TLL2: variants seen among roughly 807,000 people sequenced by gnomAD.
TLL2 encodes tolloid like 2.
A neutral mutation model predicts 123.0 loss-of-function variants in TLL2; 106 were observed. That is an observed-to-expected ratio of 0.86 (90% CI 0.74 to 1.01). The LOEUF (loss-of-function observed/expected upper bound fraction) is 1.01. Ranked by LOEUF, TLL2 falls within the 50% of genes least tolerant of loss-of-function variation. The probability of loss-of-function intolerance (pLI) is 0.00; values close to 1 mark genes in which losing one functional copy is unlikely to be tolerated. For synonymous variants in TLL2, 494 were observed against 516.8 expected, an observed-to-expected ratio of 0.96 and a Z score of 0.60; for missense variants, 1,332 against 1,336.7, an observed-to-expected ratio of 1.00 and a Z score of 0.06.
At chr10:96,499,436 C>T (rs1217831580) in intron 1 of TLL2, among the ~76,000 whole-genome samples, 1 of 152,154 alleles carries the variant, frequency 6.6e-6, no homozygotes, top group African/African-American at 2.4e-5. Flanking sequence ...TGGTAGTCAA[C>T]CCCCTTTTCC....
At chr10:96,489,575 T>C (rs1349681263) in intron 1 of TLL2, among the ~76,000 whole-genome samples, 1 of 152,022 alleles carries the variant, frequency 6.6e-6, no homozygotes, top group Non-Finnish European at 1.5e-5. Context: ...AGCGATCCCA[T>C]CAACATGGTA....
At position 96,423,715 on chromosome 10, in the gene TLL2, A is replaced by G. The variant is rs543081592; in HGVS notation, c.639-988T>C. On this transcript the variant is annotated intron_variant, in intron 5 of 20. Coordinates refer to ENST00000357947, the MANE Select transcript of TLL2 (RefSeq NM_012465.4). ...GGATATGTGCATTTGAAATTTTGATAGATACTGTCAAATTGCACTCCCAAA... is the reference window on the plus strand; with the variant it reads ...GGATATGTGCATTTGAAATTTTGATGGATACTGTCAAATTGCACTCCCAAA... Among the ~76,000 whole-genome samples, 11 of 152,330 alleles carry G rather than the reference A, an allele frequency of 7.2e-5. No homozygotes were observed. The East Asian group carries it at 2.1e-3, about 29-fold the overall frequency.
Position 96,428,776 on chromosome 10 carries a change from T to A in TLL2, c.521-28A>T, listed in dbSNP as rs149057397. The A allele has an allele frequency of 2.9e-4, 404 of 1,404,314 alleles. 1 individual carries two copies. In the East Asian group the frequency reaches 8.8e-3, roughly 31 times the overall value. 87.0% of individuals were successfully genotyped at this position (1,404,314 alleles called of 1,614,324 possible). On this transcript the variant is annotated intron_variant, in intron 4 of 20. Coordinates refer to ENST00000357947, the MANE Select transcript of TLL2 (RefSeq NM_012465.4). ...GAAACAACAGGGCAAGCACTCGACTTCAATGATGGGTCCATATTTTCTTTA... is the reference window on the plus strand; with the variant it reads ...GAAACAACAGGGCAAGCACTCGACTACAATGATGGGTCCATATTTTCTTTA...
chr10:96,476,056 G>T (rs1847241232), intron 2 of TLL2, among the ~76,000 whole-genome samples: 2 of 151,354 alleles, frequency 1.3e-5, no homozygotes, highest in Non-Finnish European at 2.9e-5. Flanking sequence ...TTTGTAAATT[G>T]CCCAGTCTCG....
Position 96,422,591 on chromosome 10 carries a change from T to C in TLL2, c.775A>G (p.Arg259Gly). 1 of 1,614,238 alleles carries C rather than the reference T, an allele frequency of 6.2e-7. No homozygotes were observed. Among genetic ancestry groups the C allele is most frequent in the Non-Finnish European group, 8.5e-7 (1 of 1,180,036 alleles). The part of the protein sequence containing the change: ...GFWHEHTRPD[R>G]DQHVTIIREN... ...CTGATGATGGTGACATGTTGGTCTC[T>C]GTCTGGCCGGGTGTGTTCATGCCAA... The change falls in exon 6 of 21, where the codon AGA becomes GGA. Residue 259 changes from arginine to glycine, a missense_variant. By Grantham distance (125) the Arg-to-Gly change is moderately radical. Transcript: ENST00000357947.
intron 1 of TLL2, 37 bp downstream of exon 1, chr10:96,513,474 C>G: frequency 6.2e-7 from 1 of 1,610,430 alleles, no homozygotes. Flanking sequence ...ATTTCAAAGG[C>G]AAACTTCTGC....
At chr10:96,476,240 A>ATATATATATATATATATTC in intron 2 of TLL2, among the ~76,000 whole-genome samples, 1 of 20,490 alleles carries the variant, frequency 4.9e-5, no homozygotes, top group Admixed American at 5.2e-4. Context: ...ATATATATAT[A>ATATATATATATATATATTC]TTTTATTTTT....
At chr10:96,463,088 A>C (rs1352584309) in intron 2 of TLL2, among the ~76,000 whole-genome samples, 1 of 152,230 alleles carries the variant, frequency 6.6e-6, no homozygotes, top group African/African-American at 2.4e-5. Context: ...AAATGTTTGC[A>C]AGTAGGCAAA....
chr10:96,380,141 G>A (rs1224494599), intron 16 of TLL2, among the ~76,000 whole-genome samples: 1 of 152,214 alleles, frequency 6.6e-6, no homozygotes, highest in Non-Finnish European at 1.5e-5. Flanking sequence ...GCAGCATCCA[G>A]CCCACAGTGT....
intron 9 of TLL2, among the ~76,000 whole-genome samples, chr10:96,409,029 CTA>C (rs1441034048): frequency 6.6e-6 from 1 of 152,240 alleles, no homozygotes; most frequent in Non-Finnish European, 1.5e-5. Context: ...TCATTTGTCT[CTA>C]GTTAGCACAC....
intron 17 of TLL2, among the ~76,000 whole-genome samples, chr10:96,378,076 T>A (rs1291765439): frequency 6.6e-6 from 1 of 152,238 alleles, no homozygotes; most frequent in African/African-American, 2.4e-5. Context: ...CCTGTGACCA[T>A]GCCCTAGGGC....
intron 3 of TLL2, among the ~76,000 whole-genome samples, chr10:96,444,718 G>A (rs1846879407): frequency 6.6e-6 from 1 of 151,980 alleles, no homozygotes; most frequent in South Asian, 2.1e-4. Flanking sequence ...AGAAAAAGAA[G>A]ATAACACTTT....
At chr10:96,487,970 G>A (rs919295567) in intron 1 of TLL2, among the ~76,000 whole-genome samples, 1 of 152,186 alleles carries the variant, frequency 6.6e-6, no homozygotes, top group East Asian at 1.9e-4. Flanking sequence ...TGAAGGAACC[G>A]AATCAGATAG....
intron 2 of TLL2, among the ~76,000 whole-genome samples, chr10:96,476,722 C>T (rs918918788): frequency 2.0e-5 from 3 of 151,930 alleles, no homozygotes; most frequent in African/African-American, 7.3e-5. Flanking sequence ...CAGAGTTGCA[C>T]ATTGAATCAC....
intron 16 of TLL2, among the ~76,000 whole-genome samples, chr10:96,381,893 A>G (rs191316784): frequency 6.6e-6 from 1 of 152,350 alleles, no homozygotes; most frequent in East Asian, 1.9e-4. Context: ...TATCTATAAA[A>G]TCAACAAATA....
At chr10:96,481,142 G>A (rs1321892305) in intron 1 of TLL2, among the ~76,000 whole-genome samples, 1 of 93,670 alleles carries the variant, frequency 1.1e-5, no homozygotes, top group African/African-American at 5.1e-5. Context: ...TTTGTTGGGG[G>A]ATGGATTTTT....
chr10:96,502,607 G>T (rs571791927), intron 1 of TLL2, among the ~76,000 whole-genome samples: 4 of 152,276 alleles, frequency 2.6e-5, no homozygotes, highest in African/African-American at 9.6e-5. Context: ...TACCAGTGTG[G>T]TATCTGCACC....
chr10:96,412,161 C>T (rs1846513616), intron 8 of TLL2, among the ~76,000 whole-genome samples: 1 of 152,152 alleles, frequency 6.6e-6, no homozygotes, highest in South Asian at 2.1e-4. Context: ...CCTAACACGC[C>T]CCCAGATGAC....
chr10:96,373,363 ACTCCTGAC>A, intron 19 of TLL2: 1 of 444,166 alleles, frequency 2.3e-6, no homozygotes, highest in Non-Finnish European at 4.2e-6. Context: ...CTGGTCTCGA[ACTCCTGAC>A]CTCAGATGAT....
Sources: allele counts gnomAD v4.1 joint callset (sites outside exome capture counted in the v4.1 genomes callset), GRCh38; gene constraint gnomAD v4.1.1; transcripts MANE v1.5; gene names NCBI Gene and HGNC (gene_info 2026-07-23, HGNC 2026-07-21).